The following PDS5A variants were observed in gnomAD, a reference collection of about 807,000 sequenced individuals.
The protein encoded by PDS5A is sister chromatid cohesion protein PDS5 homolog A.
PDS5A carries 42 observed loss-of-function variants against 167.1 expected under a neutral mutation model. That is an observed-to-expected ratio of 0.25 (90% CI 0.20 to 0.33). The LOEUF is 0.33. Among genes scored for constraint, PDS5A ranks in the 10% least tolerant of loss-of-function variants. The pLI is 1.00. For synonymous variants in PDS5A, 553 were observed against 554.6 expected (o/e 1.00, Z 0.04); for missense variants, 1,033 against 1,605.9 (o/e 0.64, Z 6.10).
chr4:39,844,283 T>C (rs922231843), intron 30 of PDS5A, among the ~76,000 whole-genome samples: 3 of 152,104 alleles, frequency 2.0e-5, no homozygotes, highest in Non-Finnish European at 4.4e-5. Context: ...GAGACCAGCC[T>C]GGCCAACATG....
At chr4:39,859,945 T>C (rs1718845454) in intron 26 of PDS5A, among the ~76,000 whole-genome samples, 1 of 152,156 alleles carries the variant, frequency 6.6e-6, no homozygotes, top group African/African-American at 2.4e-5. Context: ...AGTATGATGG[T>C]TCCTCAGGCT....
At position 39,868,572 on chromosome 4, in the gene PDS5A, G is replaced by A. The variant is rs1279619696; in HGVS notation, c.2505+822C>T. 6 of 437,936 alleles carry A rather than the reference G, an allele frequency of 1.4e-5. No individual in the cohort carries two copies. The Admixed American group carries it at 1.5e-4, about 11-fold the overall frequency. The allele number at this position is 437,936 out of a possible 1,614,324, so 27.1% of individuals were successfully genotyped here. On this transcript the variant is annotated intron_variant, in intron 22 of 32. Transcript: ENST00000303538. ...TTGAACTCCTGACCCCAAGTGATCT[G>A]CCTGCCTCAGCCTCCCAAAGTGCTG...
chr4:39,825,406 C>G lies in PDS5A; in HGVS notation c.*79G>C. 1 of 1,185,182 alleles carries G rather than the reference C, an allele frequency of 8.4e-7. No homozygotes were observed. Among genetic ancestry groups the G allele is most frequent in the Non-Finnish European group, 1.2e-6 (1 of 821,188 alleles). 73.4% of individuals were successfully genotyped at this position (1,185,182 alleles called of 1,614,324 possible). A position where few individuals can be genotyped will look rare whatever the true frequency, so the allele number is the denominator to read the frequency against. ...GTGAGCTTCATTTTCTGTTCAGGGA[C>G]ATTTGTGAATCCAAGTTTTTGCAGA... On this transcript the variant is annotated 3_prime_UTR_variant, in exon 33 of 33. Transcript: ENST00000303538.
intron 31 of PDS5A, among the ~76,000 whole-genome samples, chr4:39,841,205 T>C (rs796084970): frequency 5.7e-4 from 87 of 152,336 alleles, no homozygotes; most frequent in African/African-American, 1.9e-3. Context: ...AATGGCACGA[T>C]CTTAGCTCAC....
intron 17 of PDS5A, among the ~76,000 whole-genome samples, chr4:39,884,666 C>G (rs539519109): frequency 6.6e-6 from 1 of 152,324 alleles, no homozygotes; most frequent in African/African-American, 2.4e-5. Context: ...TGATAACACT[C>G]TTTCCCAATT....
intron 2 of PDS5A, among the ~76,000 whole-genome samples, chr4:39,950,412 G>C (rs1434950757): frequency 6.6e-6 from 1 of 151,750 alleles, no homozygotes; most frequent in African/African-American, 2.4e-5. Context: ...CTGGGTGACA[G>C]AGCAAGACTC....
At chr4:39,905,681 G>A (rs2109665664) in intron 11 of PDS5A, among the ~76,000 whole-genome samples, 1 of 152,236 alleles carries the variant, frequency 6.6e-6, no homozygotes, top group Middle Eastern at 3.4e-3. Context: ...ACAGGACTCA[G>A]CAGAAACAGA....
intron 2 of PDS5A, among the ~76,000 whole-genome samples, chr4:39,932,238 A>G (rs1726139006): frequency 6.6e-6 from 1 of 152,160 alleles, no homozygotes; most frequent in South Asian, 2.1e-4. Flanking sequence ...GCCTGATGCA[A>G]GAACAGGCCT....
At chr4:39,941,744 A>C (rs776138877) in intron 2 of PDS5A, among the ~76,000 whole-genome samples, 9 of 152,188 alleles carry the variant, frequency 5.9e-5, no homozygotes, top group Non-Finnish European at 1.0e-4. Context: ...CATTGCACCT[A>C]GATGGTAAAT....
intron 21 of PDS5A, among the ~76,000 whole-genome samples, chr4:39,870,652 C>T (rs1256422126): frequency 6.6e-6 from 1 of 151,904 alleles, no homozygotes; most frequent in African/African-American, 2.4e-5. Context: ...TAATACACAG[C>T]TCTCCAAAGA....
chr4:39,917,036 G>C lies in PDS5A; in HGVS notation c.876+12C>G. The C allele has an allele frequency of 7.1e-7, 1 of 1,406,008 alleles. No homozygotes were observed. Among genetic ancestry groups the C allele is most frequent in the South Asian group, 1.6e-5 (1 of 63,774 alleles). 87.1% of individuals were successfully genotyped at this position (1,406,008 alleles called of 1,614,324 possible). On this transcript the variant is annotated intron_variant, in intron 8 of 32. Coordinates refer to ENST00000303538, the MANE Select transcript of PDS5A (RefSeq NM_001100399.2). Reference sequence around the variant, plus strand: ...AAATTAAAAAAAAAAAAAGAAAACTGGTCAATCTTACCTTTAGTTTGAATT... The same window carrying C: ...AAATTAAAAAAAAAAAAAGAAAACTCGTCAATCTTACCTTTAGTTTGAATT...
chr4:39,863,500 AC>A, intron 23 of PDS5A, 41 bp from the exon 24 acceptor site: 2 of 1,447,024 alleles, frequency 1.4e-6, no homozygotes, highest in Non-Finnish European at 1.9e-6. Flanking sequence ...TCCTATAACC[AC>A]TATCATTCAT....
At chr4:39,931,891 CT>C (rs372230505) in intron 2 of PDS5A, among the ~76,000 whole-genome samples, 3,062 of 136,044 alleles carry the variant, frequency 0.023, 72 homozygotes, top group Non-Finnish European at 0.019. Flanking sequence ...GGTCAGGTGA[CT>C]TTTTTTTTTT....
chr4:39,919,925 A>C (rs1724766465), intron 7 of PDS5A, among the ~76,000 whole-genome samples: 2 of 151,936 alleles, frequency 1.3e-5, no homozygotes, highest in Admixed American at 6.6e-5. Flanking sequence ...AAATCTCTGT[A>C]ATCTTAAAAA....
intron 16 of PDS5A, among the ~76,000 whole-genome samples, chr4:39,897,735 G>A (rs1001546014): frequency 3.9e-5 from 6 of 152,020 alleles, no homozygotes; most frequent in Non-Finnish European, 8.8e-5. Context: ...GTGTGGATGC[G>A]TGTGCCAATA....
In PDS5A at chr4:39,908,404, C is replaced by T; in HGVS notation, c.1224G>A (p.Leu408=). The change falls in exon 11 of 33, where the codon CTG becomes CTA. Residue 408 remains leucine (L), a synonymous_variant. Coordinates refer to ENST00000303538, the MANE Select transcript of PDS5A (RefSeq NM_001100399.2). Reference sequence around the variant, plus strand: ...ATGCCTCAGATTTTACCCGTTTATCCAGTGTTCTTTCCCTTACAAAGCCAA... The same window carrying T: ...ATGCCTCAGATTTTACCCGTTTATCTAGTGTTCTTTCCCTTACAAAGCCAA... The part of the protein sequence containing the change: ...QLLGFVRERT[L]DKRWRVRKEA... 1 of 1,612,698 alleles carries T rather than the reference C, an allele frequency of 6.2e-7. No individual in the cohort carries two copies. Among genetic ancestry groups the T allele is most frequent in the Non-Finnish European group, 8.5e-7 (1 of 1,179,134 alleles).
chr4:39,859,183 CTATA>C (rs1578619577), intron 26 of PDS5A, among the ~76,000 whole-genome samples: 1 of 152,044 alleles, frequency 6.6e-6, no homozygotes. Context: ...GCAAATTTTG[CTATA>C]TATATTTACC....
chr4:39,976,580 T>C lies in PDS5A; in HGVS notation c.-3A>G, dbSNP rs765200477. ...TTGGGCTGCGCGGTGAAGTCCATCC[T>C]GGGGGACAACTTTTGGTTCACAGTC... On this transcript the variant is annotated 5_prime_UTR_variant, in exon 2 of 33. Coordinates refer to ENST00000303538, the MANE Select transcript of PDS5A (RefSeq NM_001100399.2). 4 of 1,608,562 alleles carry C rather than the reference T, an allele frequency of 2.5e-6. No homozygotes were observed. Among genetic ancestry groups the C allele is most frequent in the East Asian group, 4.5e-5 (2 of 44,788 alleles).
chr4:39,849,520 T>G lies in PDS5A; in HGVS notation c.3219A>C (p.Glu1073Asp). ...AQSPDESKTNEKLYTVCDVAL... is the reference protein window; with the variant it reads ...AQSPDESKTNDKLYTVCDVAL... ...CCCACTGGCCTAACACTCATCTTAC[T>G]TCATTTGTCTTGGATTCATCTGGAG... The change falls in exon 27 of 33, where the codon GAA becomes GAC. Residue 1073 changes from glutamate to aspartate, a missense_variant and splice_region_variant. Around this residue, in one of 4 missense-constraint regions of PDS5A, gnomAD observed 367 missense variants for 686.7 expected, o/e 0.53. Transcript: ENST00000303538. 4.4e-6 allele frequency: 7 copies of G among 1,608,372 alleles called. No individual in the cohort carries two copies. The highest frequency in any genetic ancestry group is 6.0e-6 in the Non-Finnish European group (7 of 1,175,554).
Sources: gnomAD v4.1 joint callset for allele counts (sites outside exome capture counted in the v4.1 genomes callset) on GRCh38, gnomAD v4.1.1 for gene constraint, gnomAD v4.1.1 regional missense constraint, MANE v1.5 for transcripts, NCBI Gene and HGNC (gene_info 2026-07-23, HGNC 2026-07-21) for gene names.